The following SOX6 variants were observed in gnomAD, a reference collection of about 807,000 sequenced individuals.
SOX6 encodes SRY-box transcription factor 6.
A neutral mutation model predicts 97.8 loss-of-function variants in SOX6; 11 were observed. The ratio of observed to expected loss-of-function variants is 0.11; its 90% CI spans 0.07 to 0.19. The LOEUF (loss-of-function observed/expected upper bound fraction) is 0.19. SOX6 is among the 10% of genes least tolerant of loss of function. The pLI, the probability that SOX6 is intolerant of heterozygous loss-of-function variation, is 1.00. For synonymous variants in SOX6, 360 were observed against 371.4 expected (o/e 0.97, Z 0.35); for missense variants, 810 against 1,039.5 (o/e 0.78, Z 3.04).
At chr11:16,033,149 A>G (rs565346384) in intron 12 of SOX6, among the ~76,000 whole-genome samples, 17 of 152,266 alleles carry the variant, frequency 1.1e-4, no homozygotes, top group African/African-American at 4.1e-4. Context: ...TAACCCATAC[A>G]TCAAATGGTG....
chr11:16,022,587 A>T (rs1374956780), intron 12 of SOX6, among the ~76,000 whole-genome samples: 1 of 151,824 alleles, frequency 6.6e-6, no homozygotes, highest in Non-Finnish European at 1.5e-5. Flanking sequence ...ACTTTTTTGT[A>T]TTTTTAGCAG....
chr11:16,484,668 C>A, intron 4 of SOX6: 1 of 628,858 alleles, frequency 1.6e-6, no homozygotes, highest in South Asian at 1.7e-5. Context: ...AAGTGGCTGG[C>A]CATGGCTGCT....
intron 4 of SOX6, among the ~76,000 whole-genome samples, chr11:16,541,317 T>C (rs1033757533): frequency 6.6e-6 from 1 of 151,910 alleles, no homozygotes; most frequent in Admixed American, 6.6e-5. Flanking sequence ...ATACAAAAAT[T>C]AACTCAAGAT....
chr11:16,264,242 A>C (rs1854000176), intron 3 of SOX6, among the ~76,000 whole-genome samples: 1 of 151,984 alleles, frequency 6.6e-6, no homozygotes, highest in South Asian at 2.1e-4. Flanking sequence ...AACCAGTCTC[A>C]ATAGTTTATA....
chr11:16,735,998 T>A (rs1465534303), intron 2 of SOX6, among the ~76,000 whole-genome samples: 2 of 152,212 alleles, frequency 1.3e-5, no homozygotes, highest in South Asian at 2.1e-4. Flanking sequence ...TGGGAAAATT[T>A]AAAAAAATGT....
chr11:16,075,664 G>C (rs2133947940), intron 9 of SOX6, among the ~76,000 whole-genome samples: 1 of 152,164 alleles, frequency 6.6e-6, no homozygotes, highest in African/African-American at 2.4e-5. Context: ...TGGGGAGTGG[G>C]GGCTGGGGGA....
intron 10 of SOX6, among the ~76,000 whole-genome samples, chr11:16,051,407 G>A (rs998096519): frequency 2.0e-5 from 3 of 152,072 alleles, no homozygotes; most frequent in African/African-American, 7.2e-5. Flanking sequence ...AACTACCAGA[G>A]AAAATAAGTC....
At chr11:16,192,154 C>T (rs919509272) in intron 4 of SOX6, among the ~76,000 whole-genome samples, 1 of 152,146 alleles carries the variant, frequency 6.6e-6, no homozygotes, top group East Asian at 1.9e-4. Flanking sequence ...CAGAAAGCAC[C>T]TAAAAGCAGC....
intron 4 of SOX6, among the ~76,000 whole-genome samples, chr11:16,229,227 G>T (rs1852776998): frequency 6.6e-6 from 1 of 151,850 alleles, no homozygotes; most frequent in Non-Finnish European, 1.5e-5. Flanking sequence ...TATAAATGTT[G>T]AATATTTAGA....
At chr11:16,022,702 T>C (rs1321523868) in intron 12 of SOX6, among the ~76,000 whole-genome samples, 1 of 152,152 alleles carries the variant, frequency 6.6e-6, no homozygotes, top group African/African-American at 2.4e-5. Flanking sequence ...CATGAGCCAC[T>C]GCGCCCAATC....
At chr11:16,444,011 CA>C (rs11448266) in intron 1 of SOX6, among the ~76,000 whole-genome samples, 28,812 of 114,902 alleles carry the variant, frequency 0.25, 2,698 homozygotes, top group East Asian at 0.47. Flanking sequence ...GACTCTGTCT[CA>C]AAAAAAAAAA....
chr11:16,155,132 A>G (rs774978086), intron 6 of SOX6, among the ~76,000 whole-genome samples: 5 of 152,134 alleles, frequency 3.3e-5, no homozygotes, highest in African/African-American at 7.2e-5. Context: ...CCAACTTGGC[A>G]AATGAGTCTA....
chr11:16,546,561 T>A (rs1847622819), intron 4 of SOX6, among the ~76,000 whole-genome samples: 2 of 152,184 alleles, frequency 1.3e-5, no homozygotes, highest in Non-Finnish European at 2.9e-5. Flanking sequence ...GATATCCATA[T>A]GCAGAAGAAT....
intron 4 of SOX6, among the ~76,000 whole-genome samples, chr11:16,188,603 A>G (rs896652625): frequency 5.9e-5 from 9 of 152,214 alleles, no homozygotes; most frequent in African/African-American, 2.2e-4. Context: ...ATGAGAAAAT[A>G]CAACACAAGA....
chr11:16,318,075 G>A (rs1218460141), intron 3 of SOX6: 1 of 402,478 alleles, frequency 2.5e-6, no homozygotes, highest in Non-Finnish European at 4.8e-6. Flanking sequence ...TTTTTAAACA[G>A]TTGACATTTT....
intron 1 of SOX6, among the ~76,000 whole-genome samples, chr11:16,737,580 G>A (rs952128092): frequency 6.6e-6 from 1 of 152,048 alleles, no homozygotes; most frequent in African/African-American, 2.4e-5. Flanking sequence ...TAAGGACAAG[G>A]ATTCTGACAG....
chr11:16,690,276 A>T (rs1216067008), intron 3 of SOX6, among the ~76,000 whole-genome samples: 1 of 152,132 alleles, frequency 6.6e-6, no homozygotes, highest in Non-Finnish European at 1.5e-5. Flanking sequence ...TAAGAGATAC[A>T]TCATTCCTCT....
At chr11:16,157,893 T>TA (rs926495101) in intron 6 of SOX6, among the ~76,000 whole-genome samples, 10 of 151,990 alleles carry the variant, frequency 6.6e-5, no homozygotes, top group African/African-American at 2.4e-4. Flanking sequence ...TCATATCAAA[T>TA]GTCACTTCTT....
At chr11:16,318,958 C>G (rs1188868639) in intron 2 of SOX6, among the ~76,000 whole-genome samples, 3 of 152,080 alleles carry the variant, frequency 2.0e-5, no homozygotes, top group Non-Finnish European at 4.4e-5. Context: ...CATTTCAACC[C>G]CTTACTCATT....
Sources: gnomAD v4.1 joint callset for allele counts (sites outside exome capture counted in the v4.1 genomes callset) on GRCh38, gnomAD v4.1.1 for gene constraint, MANE v1.5 for transcripts, NCBI Gene and HGNC (gene_info 2026-07-23, HGNC 2026-07-21) for gene names.